Variants in HNRNPUL1 observed in about 807,000 individuals in gnomAD.
HNRNPUL1 encodes heterogeneous nuclear ribonucleoprotein U like 1, also known as heterogeneous nuclear ribonucleoprotein U-like protein 1.
HNRNPUL1 carries 14 observed loss-of-function variants against 108.5 expected under a neutral mutation model. The ratio of observed to expected loss-of-function variants is 0.13; its 90% CI spans 0.09 to 0.20. The LOEUF is 0.20. Among genes scored for constraint, HNRNPUL1 ranks in the 10% least tolerant of loss-of-function variants. The pLI is 1.00. For synonymous variants in HNRNPUL1, 422 were observed against 445.2 expected (o/e 0.95, Z 0.66); for missense variants, 804 against 1,168.3 (o/e 0.69, Z 4.55).
intron 8 of HNRNPUL1, among the ~76,000 whole-genome samples, chr19:41,293,629 A>C (rs567343920): frequency 4.1e-4 from 63 of 152,252 alleles, no homozygotes; most frequent in African/African-American, 1.5e-3. Flanking sequence ...TACCACTTCT[A>C]CCCACTCCAT....
intron 7 of HNRNPUL1, chr19:41,291,987 AAAAAAAC>A (rs1568449705): frequency 3.8e-5 from 17 of 446,826 alleles, no homozygotes; most frequent in African/African-American, 6.4e-5. Context: ...CTCAAAAAAA[AAAAAAAC>A]AAAAAAAAAA....
chr19:41,285,867 C>T (rs2036191225), intron 7 of HNRNPUL1, among the ~76,000 whole-genome samples: 1 of 152,144 alleles, frequency 6.6e-6, no homozygotes. Context: ...TAGTTTTTGA[C>T]TCCCAAAAAC....
chr19:41,262,671 A>G (rs1414510094), upstream of HNRNPUL1: 3 of 152,282 alleles, frequency 2.0e-5, no homozygotes. Context: ...TGTTATCTTT[A>G]TTATTCGATG....
chr19:41,271,963 C>T, intron 2 of HNRNPUL1, 119 bp from the exon 3 acceptor site: 1 of 1,152,582 alleles, frequency 8.7e-7, no homozygotes, highest in Middle Eastern at 2.0e-4. Flanking sequence ...TGCCTGTGCC[C>T]AGCCCTTCAT....
chr19:41,304,155 C>A lies in HNRNPUL1; in HGVS notation c.2156C>A (p.Pro719His), dbSNP rs1277982448. Reference protein sequence around the residue: ...QQPPPPPSYSPARNPPGASTY... With the variant: ...QQPPPPPSYSHARNPPGASTY... Reference sequence around the variant, plus strand: ...CCACCGCCACCACCCAGCTACAGCCCTGCTCGGAACCCCCCAGGGGCCAGC... The same window carrying A: ...CCACCGCCACCACCCAGCTACAGCCATGCTCGGAACCCCCCAGGGGCCAGC... Residue 719 changes from proline (P) to histidine (H), a missense_variant, in exon 13 of 15, where the codon CCT becomes CAT. Transcript: ENST00000392006. 2 of 1,614,232 alleles carry A rather than the reference C, an allele frequency of 1.2e-6. No individual in the cohort carries two copies. Among genetic ancestry groups the A allele is most frequent in the East Asian group, 4.5e-5 (2 of 44,880 alleles).
intron 11 of HNRNPUL1, 30 bp downstream of exon 11, chr19:41,301,734 T>C: frequency 6.3e-7 from 1 of 1,591,694 alleles, no homozygotes; most frequent in Non-Finnish European, 8.6e-7. Context: ...CAGAGGAACG[T>C]CAATGCAGGG....
chr19:41,276,368 C>G (rs753983947), intron 5 of HNRNPUL1, 70 bp downstream of exon 5: 1 of 1,513,234 alleles, frequency 6.6e-7, no homozygotes. Context: ...TACCAGCCAC[C>G]TTGGTCAGAG....
chr19:41,264,575 C>T lies in HNRNPUL1; in HGVS notation c.72C>T (p.Gly24=), dbSNP rs1266161295. The change falls in exon 1 of 15, where the codon GGC becomes GGT. Residue 24 remains glycine, a synonymous_variant. Coordinates refer to ENST00000392006, the MANE Select transcript of HNRNPUL1 (RefSeq NM_007040.6). ...AGCGCCGCGGCCTGGACACTCGAGG[C>T]CTCAAGGCCGAGCTTGCTGAGCGGC... The part of the protein sequence containing the change: ...ELQRRGLDTR[G]LKAELAERLQ... 5.1e-6 allele frequency: 8 copies of T among 1,564,482 alleles called. No individual in the cohort carries two copies. The South Asian group carries it at 6.9e-5, about 14-fold the overall frequency.
intron 3 of HNRNPUL1, 39 bp downstream of exon 3, chr19:41,272,274 G>A (rs2035286560): frequency 5.0e-6 from 8 of 1,601,202 alleles, no homozygotes; most frequent in African/African-American, 1.3e-5. Flanking sequence ...GCTCTGGTAG[G>A]TTTCTATATC....
In HNRNPUL1 at chr19:41,307,015, G is replaced by A. The variant is rs1353189342; in HGVS notation, c.*450G>A. On this transcript the variant is annotated 3_prime_UTR_variant, in exon 15 of 15. Coordinates refer to ENST00000392006, the MANE Select transcript of HNRNPUL1 (RefSeq NM_007040.6). ...GAGCTGTTTTACTGTCTACTTTTCA[G>A]GATTAAAAAAAAAATCAAAACTTAA... 6.6e-6 allele frequency: 1 copy of A among 150,722 alleles called. No individual in the cohort carries two copies. The highest frequency in any genetic ancestry group is 2.5e-5 in the African/African-American group (1 of 40,190). 9.3% of individuals were successfully genotyped at this position (150,722 alleles called of 1,614,324 possible).
At chr19:41,305,356 G>A (rs1312707206) in intron 13 of HNRNPUL1, among the ~76,000 whole-genome samples, 1 of 152,208 alleles carries the variant, frequency 6.6e-6, no homozygotes, top group African/African-American at 2.4e-5. Flanking sequence ...AGCTAAAGGA[G>A]TTGTTCTTGT....
chr19:41,266,463 T>C (rs2034851437), intron 1 of HNRNPUL1, among the ~76,000 whole-genome samples: 1 of 144,916 alleles, frequency 6.9e-6, no homozygotes, highest in South Asian at 2.1e-4. Flanking sequence ...TTCTTTCTCT[T>C]TTTTTTAAAT....
Position 41,272,074 on chromosome 19 carries a change from G to A in HNRNPUL1, c.419-8G>A, listed in dbSNP as rs1434939703. Reference sequence around the variant, plus strand: ...TGTCTTGACCATCTGAATTTGTCTTGACAATAGAAATGAAGACAGAGATGA... The same window carrying A: ...TGTCTTGACCATCTGAATTTGTCTTAACAATAGAAATGAAGACAGAGATGA... On this transcript the variant is annotated splice_polypyrimidine_tract_variant and splice_region_variant and intron_variant, in intron 2 of 14. Coordinates refer to ENST00000392006, the MANE Select transcript of HNRNPUL1 (RefSeq NM_007040.6). 7 of 1,613,422 alleles carry A rather than the reference G, an allele frequency of 4.3e-6. 1 individual carries two copies. In the South Asian group the frequency reaches 6.6e-5, roughly 15 times the overall value.
chr19:41,268,303 A>T lies in HNRNPUL1; in HGVS notation c.376A>T (p.Arg126Trp). The T allele has an allele frequency of 6.2e-7, 1 of 1,614,080 alleles. No homozygotes were observed. Among genetic ancestry groups the T allele is most frequent in the Non-Finnish European group, 8.5e-7 (1 of 1,179,984 alleles). The change falls in exon 2 of 15, where the codon AGG becomes TGG. Residue 126 changes from arginine (R) to tryptophan (W), a missense_variant. Physicochemically the swap from Arg to Trp is moderately radical, Grantham distance 101 (BLOSUM62 -3). Coordinates refer to ENST00000392006, the MANE Select transcript of HNRNPUL1 (RefSeq NM_007040.6). ...ACAAGAAAACGAGTCAGGCTACGAGAGGAGACCACTGGAAATGGAGCAGCA... is the reference window on the plus strand; with the variant it reads ...ACAAGAAAACGAGTCAGGCTACGAGTGGAGACCACTGGAAATGGAGCAGCA... ...IKQENESGYE[R>W]RPLEMEQQQA...
At chr19:41,266,499 C>G (rs1213226920) in intron 1 of HNRNPUL1, among the ~76,000 whole-genome samples, 1 of 151,994 alleles carries the variant, frequency 6.6e-6, no homozygotes, top group African/African-American at 2.4e-5. Context: ...CGCTATGTTG[C>G]CCAGGGTGGT....
At chr19:41,265,347 C>A in intron 1 of HNRNPUL1, 1 of 263,706 alleles carries the variant, frequency 3.8e-6, no homozygotes, top group Non-Finnish European at 6.6e-6. Flanking sequence ...TATTTGGGTA[C>A]GGGGGTGGGT....
chr19:41,269,823 G>A (rs1396487643), intron 2 of HNRNPUL1, among the ~76,000 whole-genome samples: 5 of 152,098 alleles, frequency 3.3e-5, no homozygotes, highest in Non-Finnish European at 7.4e-5. Flanking sequence ...GGCCGAGTGC[G>A]ATGGCTGTTA....
intron 7 of HNRNPUL1, chr19:41,291,754 G>A (rs886793023): frequency 1.2e-5 from 2 of 160,304 alleles, no homozygotes; most frequent in Non-Finnish European, 2.8e-5. Flanking sequence ...AGGCCAAGGT[G>A]GGAAGATCAC....
intron 1 of HNRNPUL1, among the ~76,000 whole-genome samples, chr19:41,266,643 A>G (rs562195348): frequency 6.6e-6 from 1 of 152,184 alleles, no homozygotes; most frequent in Admixed American, 6.5e-5. Flanking sequence ...AAGGTTAAGG[A>G]GTAAGTAGAA....
Sources: allele counts gnomAD v4.1 joint callset (sites outside exome capture counted in the v4.1 genomes callset), GRCh38; gene constraint gnomAD v4.1.1; transcripts MANE v1.5; gene names NCBI Gene and HGNC (gene_info 2026-07-23, HGNC 2026-07-21).